Variants in SPAG9 observed in about 807,000 individuals in gnomAD.
SPAG9 encodes C-Jun-amino-terminal kinase-interacting protein 4.
A neutral mutation model predicts 166.5 loss-of-function variants in SPAG9; 35 were observed. That is an observed-to-expected ratio of 0.21 (90% confidence interval 0.16 to 0.28). The LOEUF (loss-of-function observed/expected upper bound fraction) is 0.28, where lower values mean the gene tolerates loss of function less well. Ranked by LOEUF, SPAG9 falls within the 10% of genes least tolerant of loss-of-function variation. SPAG9 has a pLI of 1.00. For synonymous variants in SPAG9, 534 were observed against 565.5 expected (o/e 0.94, Z 0.79); for missense variants, 1,235 against 1,603.3 (o/e 0.77, Z 3.92).
At chr17:51,072,302 CCT>C (rs2047842528) in intron 2 of SPAG9, among the ~76,000 whole-genome samples, 1 of 148,142 alleles carries the variant, frequency 6.8e-6, no homozygotes, top group Non-Finnish European at 1.5e-5. Context: ...GAACTCCTGA[CCT>C]GAGGTGATAC....
chr17:51,075,215 AAAAAAAG>A (rs1267893596), intron 2 of SPAG9, among the ~76,000 whole-genome samples: 17 of 150,094 alleles, frequency 1.1e-4, no homozygotes, highest in African/African-American at 4.1e-4. Context: ...AAAAAAAAAA[AAAAAAAG>A]AAGAAGAAGA....
In SPAG9 at chr17:50,965,910, T is replaced by C. The variant is rs542435346; in HGVS notation, c.*362A>G. The C allele has an allele frequency of 5.1e-4, 101 of 197,210 alleles. No homozygotes were observed. Among genetic ancestry groups the C allele is most frequent in the African/African-American group, 2.2e-3 (96 of 43,982 alleles). The allele number at this position is 197,210 out of a possible 1,614,324, so 12.2% of individuals were successfully genotyped here. The stretch of plus-strand genomic sequence containing the variant: ...AGTTTCATTTATCAAGTGTTTCCCA[T>C]TAATTCCATTATTAGTGACAGCTAA... On this transcript the variant is annotated 3_prime_UTR_variant, in exon 30 of 30. Coordinates refer to ENST00000262013, the MANE Select transcript of SPAG9 (RefSeq NM_001130528.3).
intron 4 of SPAG9, among the ~76,000 whole-genome samples, chr17:51,046,202 C>T (rs2047014730): frequency 6.6e-6 from 1 of 152,190 alleles, no homozygotes. Flanking sequence ...GGAGCCGGTG[C>T]TCTACTCTTG....
intron 20 of SPAG9, 133 bp from the exon 21 acceptor site, chr17:50,990,005 T>C (rs904795116): frequency 2.6e-6 from 2 of 783,616 alleles, no homozygotes; most frequent in African/African-American, 3.5e-5. Flanking sequence ...TAAGAATTCT[T>C]CATTCCATTT....
intron 1 of SPAG9, among the ~76,000 whole-genome samples, chr17:51,095,957 T>A (rs377045201): frequency 2.1e-5 from 2 of 94,396 alleles, no homozygotes; most frequent in African/African-American, 1.4e-4. Context: ...ATATATATAG[T>A]GATATATATA....
chr17:51,094,008 A>G (rs1021133636), intron 1 of SPAG9, among the ~76,000 whole-genome samples: 3 of 152,190 alleles, frequency 2.0e-5, no homozygotes, highest in Non-Finnish European at 4.4e-5. Flanking sequence ...ATGAAGGTCT[A>G]AAGTCTACGT....
intron 1 of SPAG9, among the ~76,000 whole-genome samples, chr17:51,094,036 C>T (rs766483460): frequency 1.5e-4 from 23 of 152,134 alleles, no homozygotes; most frequent in South Asian, 6.2e-4. Context: ...AGTAATAGGG[C>T]CTCCTTCCTG....
chr17:51,093,441 G>A (rs1336680349), intron 1 of SPAG9, among the ~76,000 whole-genome samples: 3 of 151,960 alleles, frequency 2.0e-5, no homozygotes, highest in African/African-American at 7.2e-5. Context: ...GGTGGCTCAC[G>A]CCTGTAATCC....
At chr17:51,060,857 T>G (rs1382625378) in intron 2 of SPAG9, among the ~76,000 whole-genome samples, 4 of 151,004 alleles carry the variant, frequency 2.6e-5, no homozygotes, top group Non-Finnish European at 5.9e-5. Context: ...GTTTTTTTTT[T>G]TTTTCCTTGA....
intron 27 of SPAG9, 75 bp downstream of exon 27, chr17:50,977,033 A>T (rs1974256134): frequency 1.1e-6 from 1 of 936,262 alleles, no homozygotes. Flanking sequence ...GCTAACACAG[A>T]TTTGAATTTC....
intron 5 of SPAG9, among the ~76,000 whole-genome samples, chr17:51,033,311 A>G (rs2144313810): frequency 1.0e-5 from 1 of 99,446 alleles, no homozygotes; most frequent in Non-Finnish European, 2.2e-5. Flanking sequence ...TCATTAAATG[A>G]AAAAAAAAAA....
intron 10 of SPAG9, among the ~76,000 whole-genome samples, chr17:51,007,024 G>C (rs1297378421): frequency 6.6e-6 from 1 of 152,162 alleles, no homozygotes; most frequent in Non-Finnish European, 1.5e-5. Flanking sequence ...TACTTATAGA[G>C]TGAAAAGGAG....
intron 25 of SPAG9, among the ~76,000 whole-genome samples, chr17:50,980,766 G>A (rs1974537566): frequency 1.3e-5 from 2 of 151,986 alleles, no homozygotes; most frequent in African/African-American, 4.8e-5. Flanking sequence ...GGGAGGCTGA[G>A]GTGGGAGGAC....
At chr17:51,085,928 G>C (rs975651402) in intron 1 of SPAG9, among the ~76,000 whole-genome samples, 2 of 114,904 alleles carry the variant, frequency 1.7e-5, no homozygotes, top group Non-Finnish European at 3.8e-5. Flanking sequence ...GGTTGATTTT[G>C]TAAAAATAAT....
chr17:51,115,801 G>C (rs1309646823), intron 1 of SPAG9, among the ~76,000 whole-genome samples: 3 of 151,818 alleles, frequency 2.0e-5, no homozygotes, highest in Non-Finnish European at 4.4e-5. Context: ...TTGCACTCTA[G>C]CCTGGGCAAC....
At chr17:51,010,602 CAT>C (rs2045439595) in intron 9 of SPAG9, among the ~76,000 whole-genome samples, 3 of 140,540 alleles carry the variant, frequency 2.1e-5, no homozygotes, top group South Asian at 2.2e-4. Context: ...TATATATATA[CAT>C]ATATGTATGT....
At chr17:51,099,893 A>G (rs1673453030) in intron 1 of SPAG9, among the ~76,000 whole-genome samples, 1 of 151,652 alleles carries the variant, frequency 6.6e-6, no homozygotes, top group South Asian at 2.1e-4. Flanking sequence ...TGAAGTCAGG[A>G]CTTCGAGACC....
At position 51,120,298 on chromosome 17, in the gene SPAG9, G is replaced by T; in HGVS notation, c.303+56C>A. ...TAGTCCCCGACCGGGCCGCGACCCCGCCCCGGCCGCCCCCGGAGACGGATC... is the reference window on the plus strand; with the variant it reads ...TAGTCCCCGACCGGGCCGCGACCCCTCCCCGGCCGCCCCCGGAGACGGATC... On this transcript the variant is annotated intron_variant, in intron 1 of 29. Transcript: ENST00000262013. The surrounding 1 kb of genome is among the most constrained non-coding windows in gnomAD (Gnocchi z 4.7). 1 of 1,195,340 alleles carries T rather than the reference G, an allele frequency of 8.4e-7. No homozygotes were observed. The highest frequency in any genetic ancestry group is 1.1e-6 in the Non-Finnish European group (1 of 889,048). 74.0% of individuals were successfully genotyped at this position (1,195,340 alleles called of 1,614,324 possible).
intron 7 of SPAG9, among the ~76,000 whole-genome samples, chr17:51,020,522 T>C (rs1218036078): frequency 6.6e-6 from 1 of 152,228 alleles, no homozygotes; most frequent in Non-Finnish European, 1.5e-5. Flanking sequence ...CCTGCTTTCA[T>C]TCTTATTTAA....
Sources: gnomAD v4.1 joint callset for allele counts (sites outside exome capture counted in the v4.1 genomes callset) on GRCh38, gnomAD v4.1.1 for gene constraint, Gnocchi (gnomAD v3.1) non-coding constraint, MANE v1.5 for transcripts, NCBI Gene and HGNC (gene_info 2026-07-23, HGNC 2026-07-21) for gene names.